The following TYW3 variants were observed in gnomAD, a reference collection of about 807,000 sequenced individuals.
The protein encoded by TYW3 is tRNA-yW synthesizing protein 3 homolog.
A neutral mutation model predicts 23.1 loss-of-function variants in TYW3; 26 were observed. The observed-to-expected ratio is 1.13, with a 90% CI of 0.83 to 1.56. The LOEUF is 1.56. Ranked by LOEUF, TYW3 falls within the 40% of genes most tolerant of loss-of-function variation. The pLI, the probability that TYW3 is intolerant of heterozygous loss-of-function variation, is 0.00. For missense variants in TYW3, 316 were observed against 311.9 expected (o/e 1.01, Z -0.10); for synonymous variants, 102 against 105.7 (o/e 0.97, Z 0.21).
chr1:74,766,316 A>G lies in TYW3; in HGVS notation c.*2203A>G, dbSNP rs771480446. ...CAGGTCCTTCAGGAAGTACTCCAGAAGAAGGCATTGTTATCATAGAAGGTG... is the reference window on the plus strand; with the variant it reads ...CAGGTCCTTCAGGAAGTACTCCAGAGGAAGGCATTGTTATCATAGAAGGTG... On this transcript the variant is annotated 3_prime_UTR_variant, in exon 6 of 6. Coordinates refer to ENST00000370867, the MANE Select transcript of TYW3 (RefSeq NM_138467.3). The G allele has an allele frequency of 6.6e-6, 1 of 152,162 alleles. No individual in the cohort carries two copies. The highest frequency in any genetic ancestry group is 1.5e-5 in the Non-Finnish European group (1 of 68,032). 9.4% of individuals were successfully genotyped at this position (152,162 alleles called of 1,614,324 possible).
chr1:74,764,121 T>C lies in TYW3; in HGVS notation c.*8T>C. On this transcript the variant is annotated 3_prime_UTR_variant, in exon 6 of 6. Transcript: ENST00000370867. ...TTCCCTGAAGATTACTAAGCTTTGG[T>C]TCTGATGTGTCTTGGCCGTAATGTT... 1 of 1,603,046 alleles carries C rather than the reference T, an allele frequency of 6.2e-7. No homozygotes were observed. The highest frequency in any genetic ancestry group is 8.5e-7 in the Non-Finnish European group (1 of 1,175,740).
At chr1:74,743,346 A>G (rs907287107) in intron 3 of TYW3, among the ~76,000 whole-genome samples, 1 of 151,962 alleles carries the variant, frequency 6.6e-6, no homozygotes, top group Non-Finnish European at 1.5e-5. Flanking sequence ...GGTCTCTATT[A>G]TAGAACACCA....
intron 5 of TYW3, among the ~76,000 whole-genome samples, chr1:74,755,230 A>G (rs1030864055): frequency 1.3e-5 from 2 of 152,166 alleles, no homozygotes; most frequent in Non-Finnish European, 2.9e-5. Flanking sequence ...CATTTTAACC[A>G]GTGGCATTAA....
chr1:74,756,978 A>G (rs1412295591), intron 5 of TYW3, among the ~76,000 whole-genome samples: 1 of 152,242 alleles, frequency 6.6e-6, no homozygotes, highest in Non-Finnish European at 1.5e-5. Context: ...GCAAGCCCCA[A>G]ACCTTGGCAG....
intron 5 of TYW3, among the ~76,000 whole-genome samples, chr1:74,754,162 A>G (rs1234805527): frequency 6.6e-6 from 1 of 152,212 alleles, no homozygotes; most frequent in Non-Finnish European, 1.5e-5. Context: ...CATAGGAGGT[A>G]GCAAATCAGT....
chr1:74,746,233 C>T (rs1648564270), intron 3 of TYW3, among the ~76,000 whole-genome samples: 1 of 152,170 alleles, frequency 6.6e-6, no homozygotes, highest in Non-Finnish European at 1.5e-5. Flanking sequence ...TTGAAATCAC[C>T]TGTGGAGAAA....
chr1:74,754,035 T>C (rs1462692282), intron 5 of TYW3, among the ~76,000 whole-genome samples: 3 of 152,190 alleles, frequency 2.0e-5, no homozygotes, highest in Non-Finnish European at 4.4e-5. Flanking sequence ...GTAATACTTT[T>C]AAATAAGCAA....
At chr1:74,753,179 C>T (rs1219522803) in intron 5 of TYW3, among the ~76,000 whole-genome samples, 3 of 152,168 alleles carry the variant, frequency 2.0e-5, no homozygotes, top group East Asian at 3.8e-4. Context: ...AATTTGATGT[C>T]GTTTATAATT....
chr1:74,760,449 C>G (rs903371631), intron 5 of TYW3, among the ~76,000 whole-genome samples: 4 of 152,312 alleles, frequency 2.6e-5, no homozygotes, highest in African/African-American at 9.6e-5. Context: ...GGACATCCCC[C>G]ATGCCCCCAT....
At chr1:74,756,785 G>A (rs548905161) in intron 5 of TYW3, among the ~76,000 whole-genome samples, 7 of 152,304 alleles carry the variant, frequency 4.6e-5, no homozygotes, top group African/African-American at 1.2e-4. Flanking sequence ...GCATGTCAGC[G>A]GTCTTCACAG....
At chr1:74,753,202 C>G (rs950537823) in intron 5 of TYW3, among the ~76,000 whole-genome samples, 2 of 152,116 alleles carry the variant, frequency 1.3e-5, no homozygotes, top group African/African-American at 2.4e-5. Context: ...CTTTTTTCTT[C>G]TCTCCACTCT....
intron 4 of TYW3, among the ~76,000 whole-genome samples, chr1:74,750,612 T>C (rs1449162840): frequency 2.0e-5 from 3 of 152,112 alleles, no homozygotes; most frequent in African/African-American, 7.2e-5. Flanking sequence ...TTTCTTGGTA[T>C]TCAGGGTCTT....
At chr1:74,755,534 TC>T (rs1294543967) in intron 5 of TYW3, among the ~76,000 whole-genome samples, 2 of 152,230 alleles carry the variant, frequency 1.3e-5, no homozygotes, top group African/African-American at 4.8e-5. Context: ...TGAATAATAT[TC>T]CATTGTATTT....
At chr1:74,742,710 C>T (rs891439571) in intron 3 of TYW3, among the ~76,000 whole-genome samples, 1 of 152,164 alleles carries the variant, frequency 6.6e-6, no homozygotes, top group Non-Finnish European at 1.5e-5. Context: ...TGGTATTTAA[C>T]GGGAGTTCCC....
Position 74,738,697 on chromosome 1 carries a change from C to A in TYW3, c.263C>A (p.Ala88Asp). 6.2e-7 allele frequency: 1 copy of A among 1,604,812 alleles called. No homozygotes were observed. The highest frequency in any genetic ancestry group is 1.1e-5 in the South Asian group (1 of 89,870). ...KLCVKDDVIV[A>D]LKKANGDATL... ...CACTGTTCATTTATTTAGATTGTAG[C>A]TCTGAAGAAAGCAAATGGTGATGCC... The change falls in exon 3 of 6, where the codon GCT becomes GAT. Residue 88 changes from alanine (A) to aspartate (D), a missense_variant. Coordinates refer to ENST00000370867, the MANE Select transcript of TYW3 (RefSeq NM_138467.3).
At chr1:74,742,214 A>G (rs1648385460) in intron 3 of TYW3, among the ~76,000 whole-genome samples, 1 of 152,182 alleles carries the variant, frequency 6.6e-6, no homozygotes, top group Admixed American at 6.5e-5. Flanking sequence ...AGGCCTTAGG[A>G]TGAACTAAGG....
Position 74,765,875 on chromosome 1 carries a change from A to T in TYW3, c.*1762A>T, listed in dbSNP as rs931313780. 1 of 152,142 alleles carries T rather than the reference A, an allele frequency of 6.6e-6. No homozygotes were observed. The highest frequency in any genetic ancestry group is 2.4e-5 in the African/African-American group (1 of 41,426). The allele number at this position is 152,142 out of a possible 1,614,324, so 9.4% of individuals were successfully genotyped here. ...TTCCTAATCTGTTTATATAAGGTAT[A>T]GTATAGTATAATCTGTTTATATAAG... On this transcript the variant is annotated 3_prime_UTR_variant, in exon 6 of 6. Transcript: ENST00000370867.
chr1:74,758,772 C>T (rs566465609), intron 5 of TYW3, among the ~76,000 whole-genome samples: 1 of 152,272 alleles, frequency 6.6e-6, no homozygotes, highest in South Asian at 2.1e-4. Flanking sequence ...CTTAATTGCA[C>T]ATCTTTTTTT....
chr1:74,759,142 C>T, intron 5 of TYW3, among the ~76,000 whole-genome samples: 1 of 152,038 alleles, frequency 6.6e-6, no homozygotes, highest in East Asian at 1.9e-4. Flanking sequence ...GAAGACCTGT[C>T]AGATGGTTTA....
Sources: gnomAD v4.1 joint callset for allele counts (sites outside exome capture counted in the v4.1 genomes callset) on GRCh38, gnomAD v4.1.1 for gene constraint, MANE v1.5 for transcripts, NCBI Gene and HGNC (gene_info 2026-07-23, HGNC 2026-07-21) for gene names.